Variants in ABLIM1 observed in about 807,000 individuals in gnomAD.
The protein encoded by ABLIM1 is actin binding LIM protein 1, also known as actin-binding LIM protein 1.
Under a neutral mutation model 107.0 loss-of-function variants are expected in ABLIM1, and 40 were observed. That is an observed-to-expected ratio of 0.37 (90% CI 0.29 to 0.49). ABLIM1 has a LOEUF of 0.49. Among genes scored for constraint, ABLIM1 ranks in the 20% least tolerant of loss-of-function variants. The pLI, the probability that ABLIM1 is intolerant of heterozygous loss-of-function variation, is 0.97. For synonymous variants in ABLIM1, 357 were observed against 357.3 expected, an observed-to-expected ratio of 1.00 and a Z score of 0.01; for missense variants, 857 against 1,008.5, an observed-to-expected ratio of 0.85 and a Z score of 2.04.
chr10:114,799,487 C>G, the ABLIM1 span, among the ~76,000 whole-genome samples: 1 of 152,208 alleles, frequency 6.6e-6, no homozygotes, highest in South Asian at 2.1e-4. Context: ...TTGATCCCCC[C>G]CTCCAAAAAT....
rs566770141 is a variant in ABLIM1 at position 114,668,661 on chromosome 10, G to C, written c.64+15629C>G. ...CTTGAAATCAACCTTCAATGTAAGG[G>C]GAGGCATCAAAAAGAATCCCAAAGA... On this transcript the variant is annotated intron_variant, in intron 1 of 23. Transcript: ENST00000369256. 4.6e-5 allele frequency among the ~76,000 whole-genome samples: 7 copies of C among 152,182 alleles called. No individual in the cohort carries two copies. In the South Asian group the frequency reaches 1.5e-3, roughly 32 times the overall value.
In ABLIM1 at chr10:114,432,214, A is replaced by T. The variant is rs1250771340; in HGVS notation, c.*4046T>A. The T allele has an allele frequency of 1.3e-5, 2 of 152,226 alleles. No homozygotes were observed. The highest frequency in any genetic ancestry group is 2.9e-5 in the Non-Finnish European group (2 of 68,040). The allele number at this position is 152,226 out of a possible 1,614,324, so 9.4% of individuals were successfully genotyped here. On this transcript the variant is annotated 3_prime_UTR_variant, in exon 23 of 23. Coordinates refer to ENST00000533213, the MANE Select transcript of ABLIM1 (RefSeq NM_002313.7). ...AGAGAATAATTGTAAAAATCAAATA[A>T]AATTGAGGCTGGCATAGGAAGTACA...
chr10:114,489,696 C>T (rs1208485813), intron 7 of ABLIM1, among the ~76,000 whole-genome samples: 40 of 152,010 alleles, frequency 2.6e-4, no homozygotes, highest in Admixed American at 2.6e-3. Context: ...AGTCACTGGC[C>T]AGGACACCGG....
rs1373427579 is a variant in ABLIM1, at chr10:114,441,022, A to T, written c.2054T>A (p.Val685Glu). ...YNSYGDVSGG[V>E]RDYQTLPDGH... ...CCTGGCCATGGGAGCCTCACCTCGC[A>T]CTCCCCCGCTGACATCCCCATAGCT... Residue 685 changes from valine to glutamate, a missense_variant, in exon 19 of 23, where the codon GTG becomes GAG. Coordinates refer to ENST00000533213, the MANE Select transcript of ABLIM1 (RefSeq NM_002313.7). The T allele has an allele frequency of 6.3e-7, 1 of 1,587,626 alleles. No individual in the cohort carries two copies. The highest frequency in any genetic ancestry group is 8.6e-7 in the Non-Finnish European group (1 of 1,165,952).
At chr10:114,798,423 T>TA in the ABLIM1 span, among the ~76,000 whole-genome samples, 99 of 135,938 alleles carry the variant, frequency 7.3e-4, no homozygotes, top group South Asian at 3.8e-3. Flanking sequence ...GACTCTGTTT[T>TA]AAAAAAAAAA....
chr10:114,684,530 A>T lies in ABLIM1; in HGVS notation c.-177T>A, dbSNP rs1266562520. 1.9e-5 allele frequency: 27 copies of T among 1,405,124 alleles called. No homozygotes were observed. In the East Asian group the frequency reaches 6.8e-4, roughly 35 times the overall value. The allele number at this position is 1,405,124 out of a possible 1,614,324, so 87.0% of individuals were successfully genotyped here. On this transcript the variant is annotated 5_prime_UTR_variant, in exon 1 of 24. Transcript: ENST00000369256. ...GGTGTGCCACAGCCAGCGCAGGAAG[A>T]ATGAGGAGTTTCCTGAGTGACTCTG...
the ABLIM1 span, among the ~76,000 whole-genome samples, chr10:114,786,690 A>G: frequency 6.6e-6 from 1 of 152,236 alleles, no homozygotes; most frequent in Non-Finnish European, 1.5e-5. Flanking sequence ...CATTACATTA[A>G]GAAATCTGGT....
chr10:114,596,019 A>G (rs2075379782), intron 2 of ABLIM1, among the ~76,000 whole-genome samples: 1 of 152,174 alleles, frequency 6.6e-6, no homozygotes. Context: ...AGGTGCTTCT[A>G]TATTTTCTTA....
At chr10:114,451,695 G>T in intron 13 of ABLIM1, 24 bp from the exon 14 acceptor site, 1 of 1,596,614 alleles carries the variant, frequency 6.3e-7, no homozygotes, top group Non-Finnish European at 8.6e-7. Flanking sequence ...AAGCAAAGGT[G>T]TGTGATTATG....
At chr10:114,656,556 C>T (rs553616037) in intron 1 of ABLIM1, among the ~76,000 whole-genome samples, 3 of 151,808 alleles carry the variant, frequency 2.0e-5, no homozygotes, top group Non-Finnish European at 4.4e-5. Flanking sequence ...GAGCCACCCT[C>T]GAACCTTGTT....
At chr10:114,565,661 C>G (rs2070569591) in intron 4 of ABLIM1, among the ~76,000 whole-genome samples, 1 of 151,408 alleles carries the variant, frequency 6.6e-6, no homozygotes, top group Non-Finnish European at 1.5e-5. Flanking sequence ...TTAGAGAGAA[C>G]ATAAAGATAA....
rs146838078 is a variant in ABLIM1 at position 114,713,506 on chromosome 10, G to A, written c.-213+54555C>T. 4.1e-3 allele frequency among the ~76,000 whole-genome samples: 629 copies of A among 152,296 alleles called. 6 individuals carry two copies. Among genetic ancestry groups the A allele is most frequent in the African/African-American group, 0.014 (583 of 41,572 alleles). On this transcript the variant is annotated intron_variant, in intron 1 of 15. Coordinates refer to the ABLIM1 transcript ENST00000651092. Reference sequence around the variant, plus strand: ...GGAAAATCAAAAACAGGGATAGTCCGGAAGCTATCCCTCAGTGTTTTTCTT... The same window carrying A: ...GGAAAATCAAAAACAGGGATAGTCCAGAAGCTATCCCTCAGTGTTTTTCTT...
chr10:114,503,793 C>T lies in ABLIM1; in HGVS notation c.895-11915G>A, dbSNP rs1348375535. On this transcript the variant is annotated intron_variant, in intron 6 of 22. Coordinates refer to ENST00000533213, the MANE Select transcript of ABLIM1 (RefSeq NM_002313.7). ...AAGTGAATGATCTTTATAAAATGGT[C>T]TCTAAGTAAAAGCTGTGCAGTTTAA... 1.3e-5 allele frequency among the ~76,000 whole-genome samples: 2 copies of T among 152,162 alleles called. 1 individual carries two copies. The highest frequency in any genetic ancestry group is 4.8e-5 in the African/African-American group (2 of 41,426).
At chr10:114,451,344 T>G (rs1388191002) in intron 14 of ABLIM1, among the ~76,000 whole-genome samples, 1 of 152,182 alleles carries the variant, frequency 6.6e-6, no homozygotes, top group African/African-American at 2.4e-5. Flanking sequence ...TGTTTGTGAG[T>G]TGCTGTGTGA....
chr10:114,567,258 G>A (rs149138985), intron 4 of ABLIM1, among the ~76,000 whole-genome samples: 425 of 152,284 alleles, frequency 2.8e-3, no homozygotes, highest in Non-Finnish European at 4.1e-3. Flanking sequence ...TCAGGGACCG[G>A]AACATGGCAT....
chr10:114,739,717 T>A (rs185889325), intron 1 of ABLIM1, among the ~76,000 whole-genome samples: 1 of 152,242 alleles, frequency 6.6e-6, no homozygotes, highest in East Asian at 1.9e-4. Context: ...ATTAAACACA[T>A]CTTTCTGCCA....
intron 1 of ABLIM1, among the ~76,000 whole-genome samples, chr10:114,602,621 G>A (rs1028845881): frequency 2.0e-5 from 3 of 152,198 alleles, no homozygotes; most frequent in Non-Finnish European, 4.4e-5. Context: ...TACACACACT[G>A]CAGGCAGTAA....
At chr10:114,597,408 C>T (rs2075528079) in intron 2 of ABLIM1, among the ~76,000 whole-genome samples, 1 of 151,378 alleles carries the variant, frequency 6.6e-6, no homozygotes, top group African/African-American at 2.4e-5. Flanking sequence ...CTGGCTTGTA[C>T]TTTCTGATCA....
At chr10:114,505,422 G>A (rs17091963) in intron 6 of ABLIM1, among the ~76,000 whole-genome samples, 17,055 of 152,174 alleles carry the variant, frequency 0.11, 1,022 homozygotes, top group African/African-American at 0.17. Flanking sequence ...GTTGGAGTCA[G>A]GAATGCACAA....
Sources: allele counts gnomAD v4.1 joint callset (sites outside exome capture counted in the v4.1 genomes callset), GRCh38; gene constraint gnomAD v4.1.1; transcripts MANE v1.5; gene names NCBI Gene and HGNC (gene_info 2026-07-23, HGNC 2026-07-21).